DTD1: variants seen among roughly 807,000 people sequenced by gnomAD.
The protein encoded by DTD1 is D-tyrosyl-tRNA deacylase 1 homolog.
DTD1 carries 13 observed loss-of-function variants against 25.6 expected under a neutral mutation model. The observed-to-expected ratio is 0.51, with a 90% confidence interval of 0.33 to 0.81. DTD1 has a LOEUF of 0.81. Ranked by LOEUF, DTD1 falls within the 30% of genes least tolerant of loss-of-function variation. The pLI, the probability that DTD1 is intolerant of heterozygous loss-of-function variation, is 0.02. For missense variants in DTD1, 193 were observed against 266.4 expected, an observed-to-expected ratio of 0.72 and a Z score of 1.92; for synonymous variants, 110 against 103.6, an observed-to-expected ratio of 1.06 and a Z score of -0.37.
At chr20:18,635,424 C>G (rs891346511) in intron 4 of DTD1, among the ~76,000 whole-genome samples, 1 of 152,226 alleles carries the variant, frequency 6.6e-6, no homozygotes, top group Non-Finnish European at 1.5e-5. Flanking sequence ...CCAGACCTCT[C>G]ACCACACATG....
At chr20:18,644,867 C>T (rs1019443826) in intron 4 of DTD1, among the ~76,000 whole-genome samples, 3 of 152,128 alleles carry the variant, frequency 2.0e-5, no homozygotes, top group Non-Finnish European at 1.5e-5. Flanking sequence ...CGTATGGGGC[C>T]AGGCGCAGTG....
At chr20:18,611,848 AATT>A (rs1254108736) in intron 3 of DTD1, among the ~76,000 whole-genome samples, 3 of 151,702 alleles carry the variant, frequency 2.0e-5, no homozygotes, top group Non-Finnish European at 4.4e-5. Context: ...GTTTTTTTAA[AATT>A]ATTATTATTG....
intron 4 of DTD1, chr20:18,675,618 GT>G (rs952695835): frequency 6.6e-6 from 1 of 151,980 alleles, no homozygotes; most frequent in African/African-American, 2.4e-5. Context: ...ACTTAATCTT[GT>G]TTTTAAAAAG....
intron 5 of DTD1, among the ~76,000 whole-genome samples, chr20:18,747,119 T>C (rs1211421372): frequency 6.6e-6 from 1 of 152,214 alleles, no homozygotes; most frequent in Non-Finnish European, 1.5e-5. Context: ...CAGAAATCCT[T>C]AATCCAAAGA....
intron 4 of DTD1, among the ~76,000 whole-genome samples, chr20:18,702,278 C>A (rs1201402998): frequency 6.6e-6 from 1 of 152,168 alleles, no homozygotes; most frequent in Non-Finnish European, 1.5e-5. Context: ...ACTCCCGCCC[C>A]CTTCCCTCCA....
At chr20:18,694,695 G>T (rs544736366) in intron 4 of DTD1, among the ~76,000 whole-genome samples, 1 of 152,120 alleles carries the variant, frequency 6.6e-6, no homozygotes, top group East Asian at 1.9e-4. Context: ...GACATGCCTC[G>T]GTGAGATTCT....
intron 4 of DTD1, among the ~76,000 whole-genome samples, chr20:18,671,305 G>A (rs1427591059): frequency 6.6e-6 from 1 of 152,170 alleles, no homozygotes; most frequent in African/African-American, 2.4e-5. Flanking sequence ...AAACATTGTA[G>A]TTGTAAAGAG....
chr20:18,654,039 A>C (rs1297159605), intron 4 of DTD1, among the ~76,000 whole-genome samples: 1 of 152,246 alleles, frequency 6.6e-6, no homozygotes, highest in East Asian at 1.9e-4. Context: ...AACTTCGTTA[A>C]ATATGATTTC....
chr20:18,744,828 T>C (rs552550175), intron 5 of DTD1, among the ~76,000 whole-genome samples: 8 of 152,110 alleles, frequency 5.3e-5, no homozygotes, highest in South Asian at 4.2e-4. Context: ...GTGGGAATTA[T>C]GGGAGCTACA....
intron 4 of DTD1, among the ~76,000 whole-genome samples, chr20:18,743,673 C>CAA (rs11474877): frequency 6.8e-4 from 71 of 105,054 alleles, no homozygotes; most frequent in African/African-American, 1.2e-3. Flanking sequence ...GACCCTGTCT[C>CAA]AAAAAAAAAA....
Position 18,624,877 on chromosome 20 carries a change from A to G in DTD1, c.371-3250A>G, listed in dbSNP as rs143155805. ...GGAATTTAACTTCCCAGCTAAAGGTAAACTTTGGTCCTAGACATTTACCGT... is the reference window on the plus strand; with the variant it reads ...GGAATTTAACTTCCCAGCTAAAGGTGAACTTTGGTCCTAGACATTTACCGT... On this transcript the variant is annotated intron_variant, in intron 3 of 5. Coordinates refer to ENST00000377452, the MANE Select transcript of DTD1 (RefSeq NM_080820.6). Among the ~76,000 whole-genome samples, 848 of 152,270 alleles carry G rather than the reference A, an allele frequency of 5.6e-3. 12 individuals carry two copies. The highest frequency in any genetic ancestry group is 0.019 in the African/African-American group (805 of 41,556).
chr20:18,720,480 C>T (rs1447765991), intron 4 of DTD1, among the ~76,000 whole-genome samples: 2 of 152,110 alleles, frequency 1.3e-5, no homozygotes, highest in Non-Finnish European at 2.9e-5. Flanking sequence ...CTGTTTTAAC[C>T]TTTTTCCTTC....
At chr20:18,760,637 C>T (rs977340410) in intron 5 of DTD1, among the ~76,000 whole-genome samples, 2 of 152,212 alleles carry the variant, frequency 1.3e-5, no homozygotes, top group African/African-American at 4.8e-5. Context: ...AGGTGTTAGT[C>T]TGCCCCTACA....
At position 18,621,936 on chromosome 20, in the gene DTD1, C is replaced by T. The variant is rs948085227; in HGVS notation, c.371-6191C>T. ...AAAATTAGCCGGGCATGGTGGTGGG[C>T]GCCTGTAGTCCCAGCTACTCGGGAG... On this transcript the variant is annotated intron_variant, in intron 3 of 5. Coordinates refer to ENST00000377452, the MANE Select transcript of DTD1 (RefSeq NM_080820.6). Among the ~76,000 whole-genome samples, 22 of 152,040 alleles carry T rather than the reference C, an allele frequency of 1.4e-4. 1 individual carries two copies. The East Asian group carries it at 1.5e-3, about 11-fold the overall frequency.
chr20:18,646,227 T>C (rs2060849896), intron 4 of DTD1, among the ~76,000 whole-genome samples: 1 of 152,184 alleles, frequency 6.6e-6, no homozygotes, highest in South Asian at 2.1e-4. Context: ...GTCTGGCATT[T>C]GTTCTGTAGG....
intron 1 of DTD1, chr20:18,589,000 G>C (rs1484158296): frequency 1.7e-6 from 1 of 585,152 alleles, no homozygotes; most frequent in East Asian, 1.4e-4. Flanking sequence ...CAGATATCCT[G>C]TCCTTGGAGC....
rs141758066 is a variant in DTD1, at chr20:18,627,632, C to T, written c.371-495C>T. Among the ~76,000 whole-genome samples, 486 of 152,264 alleles carry T rather than the reference C, an allele frequency of 3.2e-3. 6 individuals carry two copies. Among genetic ancestry groups the T allele is most frequent in the Admixed American group, 0.019 (297 of 15,294 alleles). On this transcript the variant is annotated intron_variant, in intron 3 of 5. Coordinates refer to ENST00000377452, the MANE Select transcript of DTD1 (RefSeq NM_080820.6). ...TGTGTTGAGTGGCTGATCCTCCTCC[C>T]GGTCAACCTCCTTCTCCCACTGTGA...
intron 4 of DTD1, among the ~76,000 whole-genome samples, chr20:18,728,951 A>G (rs572643448): frequency 9.9e-5 from 15 of 152,212 alleles, no homozygotes; most frequent in Non-Finnish European, 1.5e-4. Context: ...TGACAAAGAT[A>G]CCTGGGAGCT....
At chr20:18,644,042 A>G (rs904815371) in intron 4 of DTD1, among the ~76,000 whole-genome samples, 1 of 152,172 alleles carries the variant, frequency 6.6e-6, no homozygotes, top group African/African-American at 2.4e-5. Flanking sequence ...CTATGAATAT[A>G]CTGCATTTTG....
Sources: allele counts gnomAD v4.1 joint callset (sites outside exome capture counted in the v4.1 genomes callset), GRCh38; gene constraint gnomAD v4.1.1; transcripts MANE v1.5; gene names NCBI Gene and HGNC (gene_info 2026-07-23, HGNC 2026-07-21).